KIAA1217: variants seen among roughly 807,000 people sequenced by gnomAD.
KIAA1217 encodes sickle tail protein homolog.
Under a neutral mutation model 163.9 loss-of-function variants are expected in KIAA1217, and 88 were observed. The observed-to-expected ratio is 0.54, with a 90% confidence interval of 0.45 to 0.64. The LOEUF is 0.64. Ranked by LOEUF, KIAA1217 falls within the 30% of genes least tolerant of loss-of-function variation. The probability of loss-of-function intolerance (pLI) is 0.00; values close to 1 mark genes in which losing one functional copy is unlikely to be tolerated. For synonymous variants in KIAA1217, 903 were observed against 923.1 expected (o/e 0.98, Z 0.39); for missense variants, 2,372 against 2,475.0 (o/e 0.96, Z 0.88).
At chr10:23,987,236 G>A (rs1846010991) in intron 1 of KIAA1217, among the ~76,000 whole-genome samples, 2 of 151,790 alleles carry the variant, frequency 1.3e-5, no homozygotes. Context: ...AATTAGCCGG[G>A]TGTGGTGGTG....
chr10:23,961,710 C>T (rs148138246), intron 1 of KIAA1217, among the ~76,000 whole-genome samples: 309 of 152,216 alleles, frequency 2.0e-3, no homozygotes, highest in Non-Finnish European at 2.1e-3. Flanking sequence ...AAAAAGTTGC[C>T]GTAACAAAGC....
chr10:23,848,003 C>T (rs1211852079), intron 1 of KIAA1217, among the ~76,000 whole-genome samples: 1 of 152,134 alleles, frequency 6.6e-6, no homozygotes. Flanking sequence ...GCAGGTTGTT[C>T]AGTTTCCATG....
At chr10:24,480,340 C>T (rs1016952606) in intron 6 of KIAA1217, among the ~76,000 whole-genome samples, 2 of 152,238 alleles carry the variant, frequency 1.3e-5, no homozygotes. Flanking sequence ...CCCTCCTCCT[C>T]GTGATAAAGC....
intron 2 of KIAA1217, among the ~76,000 whole-genome samples, chr10:24,245,797 ATTT>A (rs112794379): frequency 6.9e-5 from 10 of 145,914 alleles, no homozygotes; most frequent in African/African-American, 1.5e-4. Flanking sequence ...ACACCAACTA[ATTT>A]TTTTTTTTTT....
chr10:23,958,307 A>C (rs1181130510), intron 1 of KIAA1217, among the ~76,000 whole-genome samples: 4 of 152,148 alleles, frequency 2.6e-5, no homozygotes, highest in Non-Finnish European at 4.4e-5. Flanking sequence ...GGGTGGGAGG[A>C]AGACTGGGTT....
At chr10:24,078,539 G>A (rs1366668984) in intron 2 of KIAA1217, among the ~76,000 whole-genome samples, 1 of 152,158 alleles carries the variant, frequency 6.6e-6, no homozygotes, top group Non-Finnish European at 1.5e-5. Context: ...TGATGTGTGG[G>A]CAAATACTTG....
intron 2 of KIAA1217, among the ~76,000 whole-genome samples, chr10:24,309,878 G>T (rs1377165160): frequency 1.3e-5 from 2 of 152,170 alleles, no homozygotes; most frequent in African/African-American, 4.8e-5. Flanking sequence ...ACAAAGAGGG[G>T]CTTCTTAGGA....
chr10:24,369,218 T>TGTGTGTGTGTG (rs1564553011), intron 2 of KIAA1217, among the ~76,000 whole-genome samples: 15 of 151,496 alleles, frequency 9.9e-5, no homozygotes, highest in South Asian at 4.2e-4. Flanking sequence ...TGTGTGTGTG[T>TGTGTGTGTGTG]TTTCATTTGA....
At chr10:23,816,530 C>T (rs1466806020) in intron 1 of KIAA1217, among the ~76,000 whole-genome samples, 1 of 152,066 alleles carries the variant, frequency 6.6e-6, no homozygotes, top group African/African-American at 2.4e-5. Context: ...TGGCCGGGTG[C>T]GGTGGCTCAT....
At chr10:24,253,152 C>T (rs2074750518) in intron 2 of KIAA1217, among the ~76,000 whole-genome samples, 1 of 152,164 alleles carries the variant, frequency 6.6e-6, no homozygotes. Context: ...GACCCAGGTG[C>T]CCTGGGAGAG....
intron 3 of KIAA1217, among the ~76,000 whole-genome samples, chr10:24,389,350 A>G (rs932293793): frequency 1.3e-5 from 2 of 151,888 alleles, no homozygotes; most frequent in African/African-American, 2.4e-5. Context: ...GAATTGAACA[A>G]TGAGAACACT....
intron 3 of KIAA1217, among the ~76,000 whole-genome samples, chr10:24,416,701 C>G (rs930487108): frequency 1.3e-5 from 2 of 152,050 alleles, no homozygotes; most frequent in African/African-American, 4.8e-5. Flanking sequence ...AGGAAGGGTC[C>G]CCCCCACATC....
rs60528535 is a variant in KIAA1217, at chr10:24,323,788, CGTGTGTGTGTGT to C, written c.355-57048_355-57037del. Among the ~76,000 whole-genome samples, 633 of 144,244 alleles carry C rather than the reference CGTGTGTGTGTGT, an allele frequency of 4.4e-3. 10 individuals carry two copies. Among genetic ancestry groups the C allele is most frequent in the South Asian group, 0.022 (96 of 4,370 alleles). 94.6% of individuals were successfully genotyped at this position (144,244 alleles called of 152,430 possible). A position where few individuals can be genotyped will look rare whatever the true frequency, so the allele number is the denominator to read the frequency against. On this transcript the variant is annotated intron_variant, in intron 2 of 20. Transcript: ENST00000376454. ...GAAGACAATGCCCATGTTTTCTCTT[CGTGTGTGTGTGT>C]GTGTGTGTGTGTGTGTGTGTGTGTG...
At chr10:24,200,634 C>T (rs899947111) in intron 2 of KIAA1217, among the ~76,000 whole-genome samples, 6 of 152,152 alleles carry the variant, frequency 3.9e-5, no homozygotes, top group Admixed American at 6.5e-5. Flanking sequence ...TGTTTGGTGA[C>T]GCCACCTGTA....
At chr10:24,309,331 G>GGC (rs1259833450) in intron 2 of KIAA1217, among the ~76,000 whole-genome samples, 6 of 126,232 alleles carry the variant, frequency 4.8e-5, no homozygotes, top group Admixed American at 3.0e-4. Context: ...ATGACAAATA[G>GGC]GCGCGCGCAC....
chr10:23,879,966 A>C (rs1445909623), intron 1 of KIAA1217, among the ~76,000 whole-genome samples: 3 of 151,868 alleles, frequency 2.0e-5, no homozygotes, highest in Non-Finnish European at 4.4e-5. Flanking sequence ...GTTTGATTAC[A>C]TGGGCCACTT....
chr10:24,117,220 A>G (rs924891029), intron 2 of KIAA1217, among the ~76,000 whole-genome samples: 2 of 152,034 alleles, frequency 1.3e-5, no homozygotes, highest in African/African-American at 4.8e-5. Flanking sequence ...TATTTTTAGT[A>G]GAGACAGGGT....
intron 10 of KIAA1217, among the ~76,000 whole-genome samples, chr10:24,517,068 AG>A (rs2070294919): frequency 6.6e-6 from 1 of 152,070 alleles, no homozygotes; most frequent in Non-Finnish European, 1.5e-5. Context: ...CTGTGGTCCC[AG>A]CTACTCAGGA....
intron 2 of KIAA1217, among the ~76,000 whole-genome samples, chr10:24,355,339 G>T (rs1030200401): frequency 2.6e-5 from 4 of 152,208 alleles, no homozygotes; most frequent in African/African-American, 9.6e-5. Flanking sequence ...GGGCTTAAAT[G>T]ACAGGGATTT....
Sources: allele counts gnomAD v4.1 joint callset (sites outside exome capture counted in the v4.1 genomes callset), GRCh38; gene constraint gnomAD v4.1.1; transcripts MANE v1.5; gene names NCBI Gene and HGNC (gene_info 2026-07-23, HGNC 2026-07-21).